The following CNTN5 variants were observed in gnomAD, a reference collection of about 807,000 sequenced individuals.
The protein encoded by CNTN5 is contactin 5.
A neutral mutation model predicts 129.1 loss-of-function variants in CNTN5; 77 were observed. The observed-to-expected ratio is 0.60, with a 90% CI of 0.50 to 0.72. The LOEUF (loss-of-function observed/expected upper bound fraction) is 0.72, where lower values mean the gene tolerates loss of function less well. Among genes scored for constraint, CNTN5 ranks in the 30% least tolerant of loss-of-function variants. The pLI is 0.00. For synonymous variants in CNTN5, 509 were observed against 465.6 expected (o/e 1.09, Z -1.20); for missense variants, 1,478 against 1,328.8 (o/e 1.11, Z -1.75).
At chr11:100,115,682 A>G (rs2138138777) in intron 13 of CNTN5, among the ~76,000 whole-genome samples, 1 of 152,182 alleles carries the variant, frequency 6.6e-6, no homozygotes, top group African/African-American at 2.4e-5. Flanking sequence ...TTTTGGTAAA[A>G]GACCTATTTT....
chr11:99,383,628 A>C (rs373307637), intron 2 of CNTN5, among the ~76,000 whole-genome samples: 2 of 152,084 alleles, frequency 1.3e-5, no homozygotes, highest in Non-Finnish European at 2.9e-5. Flanking sequence ...TTAAACTCAC[A>C]TAACTATAGA....
At chr11:100,004,711 T>A (rs746320220) in intron 9 of CNTN5, among the ~76,000 whole-genome samples, 5 of 152,164 alleles carry the variant, frequency 3.3e-5, no homozygotes, top group Non-Finnish European at 7.3e-5. Flanking sequence ...TTGTCATGTG[T>A]AATCCTGAAG....
intron 1 of CNTN5, among the ~76,000 whole-genome samples, chr11:99,050,750 C>T (rs1324593988): frequency 7.4e-6 from 1 of 135,464 alleles, no homozygotes; most frequent in Non-Finnish European, 1.6e-5. Context: ...TCAGAATTTT[C>T]ATTTTTTTCC....
chr11:99,805,099 T>C (rs1274364931), intron 3 of CNTN5, among the ~76,000 whole-genome samples: 1 of 151,964 alleles, frequency 6.6e-6, no homozygotes, highest in African/African-American at 2.4e-5. Context: ...CAGAAGAAAA[T>C]TGTGCTTTGG....
At position 99,835,977 on chromosome 11, in the gene CNTN5, G is replaced by A. The variant is rs192046078; in HGVS notation, c.278-8875G>A. 3.3e-3 allele frequency among the ~76,000 whole-genome samples: 503 copies of A among 152,214 alleles called. 4 individuals are homozygous for A. The highest frequency in any genetic ancestry group is 0.01 in the African/African-American group (426 of 41,548). Reference sequence around the variant, plus strand: ...GCAAGAAAGAATTTAGGGCAAGTCCGTAAAGTGAAAGCAAGTTTATTAAGA... The same window carrying A: ...GCAAGAAAGAATTTAGGGCAAGTCCATAAAGTGAAAGCAAGTTTATTAAGA... On this transcript the variant is annotated intron_variant, in intron 4 of 24. Coordinates refer to ENST00000524871, the MANE Select transcript of CNTN5 (RefSeq NM_014361.4).
At chr11:100,277,078 G>T (rs573439696) in intron 18 of CNTN5, among the ~76,000 whole-genome samples, 3 of 152,134 alleles carry the variant, frequency 2.0e-5, no homozygotes, top group East Asian at 3.9e-4. Flanking sequence ...TGTGATGTTT[G>T]TCTTTCTGTG....
chr11:99,440,018 A>T (rs1027358376), intron 2 of CNTN5, among the ~76,000 whole-genome samples: 7 of 152,160 alleles, frequency 4.6e-5, no homozygotes, highest in African/African-American at 1.4e-4. Context: ...CATTAAGATG[A>T]TTGAATACCA....
chr11:99,722,154 T>C (rs4323834), intron 3 of CNTN5, among the ~76,000 whole-genome samples: 71,147 of 151,946 alleles, frequency 0.47, 17,078 homozygotes, highest in East Asian at 0.68. Context: ...CAAATATAAA[T>C]CATTAATCCA....
chr11:99,479,506 G>C (rs886773231), intron 2 of CNTN5, among the ~76,000 whole-genome samples: 1 of 151,780 alleles, frequency 6.6e-6, no homozygotes, highest in Non-Finnish European at 1.5e-5. Context: ...TTTTTCTTGG[G>C]AACAAATTTT....
intron 2 of CNTN5, among the ~76,000 whole-genome samples, chr11:99,392,537 G>A: frequency 6.6e-6 from 1 of 151,938 alleles, no homozygotes; most frequent in African/African-American, 2.4e-5. Flanking sequence ...ACTACCATCT[G>A]CATTGCCAGT....
chr11:99,587,817 A>G (rs999559893), intron 3 of CNTN5, among the ~76,000 whole-genome samples: 3 of 152,226 alleles, frequency 2.0e-5, no homozygotes, highest in Admixed American at 2.0e-4. Context: ...CTAGGTTTTC[A>G]AAAGAGTGCT....
chr11:99,295,159 A>G (rs1463260219), intron 1 of CNTN5, among the ~76,000 whole-genome samples: 2 of 152,176 alleles, frequency 1.3e-5, no homozygotes, highest in South Asian at 4.1e-4. Context: ...AGTTTAGAGT[A>G]TGCTCCTTAT....
intron 15 of CNTN5, among the ~76,000 whole-genome samples, chr11:100,209,917 C>CA (rs1948991556): frequency 6.6e-6 from 1 of 152,104 alleles, no homozygotes; most frequent in African/African-American, 2.4e-5. Context: ...GACTTTGCTG[C>CA]AGAGCTTAAC....
chr11:99,431,525 T>C (rs1565576783), intron 2 of CNTN5, among the ~76,000 whole-genome samples: 1 of 152,068 alleles, frequency 6.6e-6, no homozygotes, highest in Non-Finnish European at 1.5e-5. Flanking sequence ...AGGAATTCCT[T>C]GGAGGGGGGA....
intron 4 of CNTN5, among the ~76,000 whole-genome samples, chr11:99,821,261 G>A (rs554976606): frequency 3.3e-5 from 5 of 152,116 alleles, no homozygotes; most frequent in Admixed American, 2.6e-4. Context: ...TAGTCACAAT[G>A]GTCAATATAA....
At chr11:99,277,209 T>A (rs1011681986) in intron 1 of CNTN5, among the ~76,000 whole-genome samples, 1 of 151,686 alleles carries the variant, frequency 6.6e-6, no homozygotes, top group Non-Finnish European at 1.5e-5. Context: ...TTTTTAAAAT[T>A]TTAAGCCAGA....
intron 21 of CNTN5, among the ~76,000 whole-genome samples, chr11:100,334,596 A>G (rs796709653): frequency 1.9e-4 from 29 of 152,188 alleles, no homozygotes; most frequent in African/African-American, 6.5e-4. Flanking sequence ...CTGCTCAGCC[A>G]TATTAAAAAA....
chr11:99,484,878 A>C (rs1218287527), intron 2 of CNTN5, among the ~76,000 whole-genome samples: 2 of 152,150 alleles, frequency 1.3e-5, no homozygotes, highest in African/African-American at 4.8e-5. Context: ...TCATAGAAGT[A>C]AAAAGTAGAA....
intron 3 of CNTN5, among the ~76,000 whole-genome samples, chr11:99,715,881 G>T (rs1307618376): frequency 6.6e-6 from 1 of 151,822 alleles, no homozygotes; most frequent in Non-Finnish European, 1.5e-5. Context: ...TTATCTAAAT[G>T]ACAGAACCAT....
Sources: allele counts gnomAD v4.1 joint callset (sites outside exome capture counted in the v4.1 genomes callset), GRCh38; gene constraint gnomAD v4.1.1; transcripts MANE v1.5; gene names NCBI Gene and HGNC (gene_info 2026-07-23, HGNC 2026-07-21).